Variants in FRMD4A observed in about 807,000 individuals in gnomAD.
The protein encoded by FRMD4A is FERM domain-containing protein 4A.
In FRMD4A, 29 loss-of-function variants were observed where a neutral mutation model predicts 129.1. The ratio of observed to expected loss-of-function variants is 0.22; its 90% CI spans 0.17 to 0.31. FRMD4A has a LOEUF of 0.31. Ranked by LOEUF, FRMD4A falls within the 10% of genes least tolerant of loss-of-function variation. The pLI is 1.00. For synonymous variants in FRMD4A, 634 were observed against 571.6 expected (o/e 1.11, Z -1.56); for missense variants, 1,272 against 1,375.8 (o/e 0.92, Z 1.19).
At chr10:13,935,885 A>G (rs571929865) in intron 2 of FRMD4A, among the ~76,000 whole-genome samples, 1 of 151,962 alleles carries the variant, frequency 6.6e-6, no homozygotes, top group African/African-American at 2.4e-5. Flanking sequence ...AGTCTGTCTA[A>G]CTCTAGAATC....
intron 2 of FRMD4A, among the ~76,000 whole-genome samples, chr10:13,989,732 G>A (rs1229229611): frequency 6.6e-6 from 1 of 152,242 alleles, no homozygotes; most frequent in African/African-American, 2.4e-5. Flanking sequence ...TTGATGATGA[G>A]AGGAAGACAA....
At chr10:14,330,567 T>G in intron 1 of FRMD4A, 30 bp downstream of exon 1, 1 of 405,940 alleles carries the variant, frequency 2.5e-6, no homozygotes, top group South Asian at 1.2e-4. Flanking sequence ...GCAATTCTGC[T>G]GCATAAACAT....
intron 12 of FRMD4A, among the ~76,000 whole-genome samples, chr10:13,732,354 T>C (rs1394717360): frequency 6.6e-6 from 1 of 152,106 alleles, no homozygotes; most frequent in Non-Finnish European, 1.5e-5. Context: ...GTAGGTCATA[T>C]GGAAACACTT....
chr10:14,126,792 G>A (rs12572893), intron 2 of FRMD4A, among the ~76,000 whole-genome samples: 47,244 of 152,050 alleles, frequency 0.31, 7,609 homozygotes, highest in East Asian at 0.51. Context: ...GGATAAAGGA[G>A]AATACTTCTT....
At chr10:14,212,281 C>T (rs547226178) in intron 2 of FRMD4A, among the ~76,000 whole-genome samples, 1 of 152,134 alleles carries the variant, frequency 6.6e-6, no homozygotes. Context: ...CAAGAGGTTG[C>T]ACATCACTAG....
intron 2 of FRMD4A, among the ~76,000 whole-genome samples, chr10:14,160,681 AT>A (rs2131868648): frequency 6.6e-6 from 1 of 152,368 alleles, no homozygotes; most frequent in South Asian, 2.1e-4. Context: ...GCCAACAGAT[AT>A]ATGAAAAAAT....
intron 2 of FRMD4A, among the ~76,000 whole-genome samples, chr10:13,916,949 A>G (rs2095015052): frequency 1.3e-5 from 2 of 152,230 alleles, no homozygotes. Context: ...GCTTTGTGTG[A>G]GAGAAATCTG....
At chr10:14,089,018 C>G (rs1054627286) in intron 2 of FRMD4A, among the ~76,000 whole-genome samples, 1 of 151,888 alleles carries the variant, frequency 6.6e-6, no homozygotes, top group African/African-American at 2.4e-5. Context: ...CCAGAAGGGG[C>G]GAAGATAAGC....
At chr10:14,214,201 A>C (rs1843009104) in intron 2 of FRMD4A, among the ~76,000 whole-genome samples, 1 of 152,202 alleles carries the variant, frequency 6.6e-6, no homozygotes, top group Non-Finnish European at 1.5e-5. Flanking sequence ...AAATGGACTC[A>C]TACAGGTGGT....
intron 2 of FRMD4A, among the ~76,000 whole-genome samples, chr10:14,034,792 A>G (rs1436494828): frequency 2.6e-5 from 4 of 152,204 alleles, no homozygotes; most frequent in South Asian, 2.1e-4. Context: ...ATCTTCACAC[A>G]GGCCGTCCCT....
intron 2 of FRMD4A, among the ~76,000 whole-genome samples, chr10:14,296,939 C>G (rs997989717): frequency 1.3e-5 from 2 of 152,178 alleles, no homozygotes; most frequent in Non-Finnish European, 2.9e-5. Flanking sequence ...GGGGAGACAA[C>G]ATCAGTAAAT....
At chr10:14,100,160 T>C (rs993140514) in intron 2 of FRMD4A, among the ~76,000 whole-genome samples, 1 of 152,214 alleles carries the variant, frequency 6.6e-6, no homozygotes, top group Non-Finnish European at 1.5e-5. Flanking sequence ...TTCCACTGTC[T>C]CGATTTCCAG....
chr10:14,085,449 C>T (rs755263112), intron 2 of FRMD4A, among the ~76,000 whole-genome samples: 15 of 152,204 alleles, frequency 9.9e-5, no homozygotes, highest in Non-Finnish European at 1.8e-4. Flanking sequence ...TCTCCCCAAT[C>T]CACAGCTTTG....
chr10:14,178,328 G>A (rs747500138), intron 2 of FRMD4A, among the ~76,000 whole-genome samples: 24 of 152,120 alleles, frequency 1.6e-4, no homozygotes, highest in East Asian at 9.6e-4. Context: ...TGAGTACCTC[G>A]TTCACTTATG....
chr10:14,134,836 C>A (rs1839453519), intron 2 of FRMD4A, among the ~76,000 whole-genome samples: 1 of 152,112 alleles, frequency 6.6e-6, no homozygotes, highest in African/African-American at 2.4e-5. Context: ...ACACCATTGT[C>A]TGGCTGTTGA....
At chr10:13,683,354 G>A (rs965053957) in intron 15 of FRMD4A, among the ~76,000 whole-genome samples, 1 of 152,010 alleles carries the variant, frequency 6.6e-6, no homozygotes, top group Non-Finnish European at 1.5e-5. Context: ...GGAGGCCCTG[G>A]CGGGAGGATT....
intron 2 of FRMD4A, among the ~76,000 whole-genome samples, chr10:14,196,371 C>T (rs1026737914): frequency 6.6e-6 from 1 of 152,152 alleles, no homozygotes; most frequent in African/African-American, 2.4e-5. Flanking sequence ...GACCTAGTAG[C>T]CCAAGCTGCA....
At chr10:14,066,156 C>A (rs1412678069) in intron 2 of FRMD4A, among the ~76,000 whole-genome samples, 1 of 152,010 alleles carries the variant, frequency 6.6e-6, no homozygotes, top group Non-Finnish European at 1.5e-5. Context: ...TATTCAGAAA[C>A]ACTCCATTGA....
At chr10:13,968,918 G>A (rs918844767) in intron 2 of FRMD4A, among the ~76,000 whole-genome samples, 11 of 152,134 alleles carry the variant, frequency 7.2e-5, no homozygotes, top group Non-Finnish European at 1.6e-4. Context: ...TCCTCTATTT[G>A]TTGAAATGCA....
Sources: allele counts gnomAD v4.1 joint callset (sites outside exome capture counted in the v4.1 genomes callset), GRCh38; gene constraint gnomAD v4.1.1; transcripts MANE v1.5; gene names NCBI Gene and HGNC (gene_info 2026-07-23, HGNC 2026-07-21).